GALNT13: variants seen among roughly 807,000 people sequenced by gnomAD.
GALNT13 encodes the protein polypeptide N-acetylgalactosaminyltransferase 13, also known as UDP-GalNAc:polypeptide N-acetylgalactosaminyltransferase 13.
GALNT13 carries 28 observed loss-of-function variants against 64.2 expected under a neutral mutation model. The ratio of observed to expected loss-of-function variants is 0.44; its 90% confidence interval spans 0.32 to 0.60. The LOEUF (loss-of-function observed/expected upper bound fraction) is 0.60, where lower values mean the gene tolerates loss of function less well. GALNT13 is among the 20% of genes least tolerant of loss of function. The probability of loss-of-function intolerance (pLI) is 0.05; values close to 1 mark genes in which losing one functional copy is unlikely to be tolerated. For missense variants in GALNT13, 577 were observed against 669.8 expected (o/e 0.86, Z 1.53); for synonymous variants, 214 against 224.6 (o/e 0.95, Z 0.42).
At chr2:153,289,096 G>T in the GALNT13 span, among the ~76,000 whole-genome samples, 3 of 152,088 alleles carry the variant, frequency 2.0e-5, no homozygotes, top group Non-Finnish European at 2.9e-5. Context: ...ATAAGTGTAT[G>T]TTCATTTTTG....
At chr2:153,677,852 C>T in the GALNT13 span, among the ~76,000 whole-genome samples, 6 of 151,978 alleles carry the variant, frequency 3.9e-5, no homozygotes, top group South Asian at 2.1e-4. Context: ...AAACTGGACC[C>T]GTTCCTTTTG....
At chr2:154,308,258 A>G (rs1254539204) in intron 9 of GALNT13, among the ~76,000 whole-genome samples, 1 of 152,148 alleles carries the variant, frequency 6.6e-6, no homozygotes, top group Non-Finnish European at 1.5e-5. Flanking sequence ...ACTTACTTTG[A>G]AGGTTAACTC....
chr2:153,657,591 A>T, the GALNT13 span, among the ~76,000 whole-genome samples: 1 of 152,234 alleles, frequency 6.6e-6, no homozygotes, highest in East Asian at 1.9e-4. Context: ...GCAATGCCTG[A>T]GGGTATAAAC....
chr2:153,318,013 T>C, the GALNT13 span, among the ~76,000 whole-genome samples: 1 of 152,060 alleles, frequency 6.6e-6, no homozygotes, highest in Non-Finnish European at 1.5e-5. Context: ...ATTATGGCTG[T>C]GCTATGTTAT....
chr2:153,784,521 C>T, the GALNT13 span, among the ~76,000 whole-genome samples: 9 of 152,234 alleles, frequency 5.9e-5, no homozygotes, highest in East Asian at 1.9e-4. Context: ...ATTGCTAGGC[C>T]GTCAAAACAA....
the GALNT13 span, among the ~76,000 whole-genome samples, chr2:153,199,608 G>A: frequency 6.6e-6 from 1 of 152,188 alleles, no homozygotes; most frequent in African/African-American, 2.4e-5. Context: ...GGAAGGCAAG[G>A]TTGTGATATA....
At chr2:154,179,032 A>G (rs1685812235) in intron 4 of GALNT13, among the ~76,000 whole-genome samples, 1 of 152,092 alleles carries the variant, frequency 6.6e-6, no homozygotes, top group Admixed American at 6.6e-5. Flanking sequence ...CTCTTTTACC[A>G]TGGCGTTCCC....
chr2:154,231,379 C>G (rs1347194217), intron 4 of GALNT13, among the ~76,000 whole-genome samples: 1 of 152,044 alleles, frequency 6.6e-6, no homozygotes, highest in East Asian at 1.9e-4. Flanking sequence ...GGGGCCTCTT[C>G]AAAGCACTCA....
the GALNT13 span, among the ~76,000 whole-genome samples, chr2:153,312,834 A>G: frequency 1.1e-4 from 17 of 152,162 alleles, no homozygotes; most frequent in Admixed American, 1.1e-3. Context: ...CTGATTTAAG[A>G]GGTCGATTTA....
the GALNT13 span, among the ~76,000 whole-genome samples, chr2:153,649,375 C>G: frequency 6.6e-6 from 1 of 151,688 alleles, no homozygotes; most frequent in Admixed American, 6.6e-5. Flanking sequence ...ATTAGTTTTG[C>G]TAGCGGTCTA....
chr2:154,319,888 T>C (rs1160816017), intron 9 of GALNT13, among the ~76,000 whole-genome samples: 3 of 152,092 alleles, frequency 2.0e-5, no homozygotes, highest in Admixed American at 2.0e-4. Flanking sequence ...ATTTAAACTT[T>C]CACTTCATAA....
chr2:154,362,043 C>T (rs1157797032), intron 9 of GALNT13, among the ~76,000 whole-genome samples: 2 of 152,060 alleles, frequency 1.3e-5, no homozygotes, highest in Non-Finnish European at 2.9e-5. Context: ...TCAGCTCTAA[C>T]TAAGCTATCA....
the GALNT13 span, chr2:153,337,644 A>ATTATC: frequency 1.3e-5 from 2 of 152,244 alleles, no homozygotes; most frequent in African/African-American, 4.8e-5. Flanking sequence ...GCATAGTGAG[A>ATTATC]TAATCAATTG....
chr2:153,672,184 G>C, the GALNT13 span, among the ~76,000 whole-genome samples: 1 of 152,122 alleles, frequency 6.6e-6, no homozygotes, highest in Admixed American at 6.6e-5. Context: ...CTTGAACTCA[G>C]CTCTGGACCA....
chr2:154,451,796 T>C lies in GALNT13; in HGVS notation c.*1245T>C, dbSNP rs934405272. On this transcript the variant is annotated 3_prime_UTR_variant, in exon 13 of 13. Coordinates refer to ENST00000392825, the MANE Select transcript of GALNT13 (RefSeq NM_052917.4). ...TGCTAGTAAGTTTTTATATTTGACA[T>C]CATTTTAAATGCTCAAAGAGTTGCC... 1.3e-5 allele frequency: 2 copies of C among 152,090 alleles called. No individual in the cohort carries two copies. The highest frequency in any genetic ancestry group is 4.8e-5 in the African/African-American group (2 of 41,430). The allele number at this position is 152,090 out of a possible 1,614,324, so 9.4% of individuals were successfully genotyped here. A position where few individuals can be genotyped will look rare whatever the true frequency, so the allele number is the denominator to read the frequency against.
At chr2:154,149,693 T>G (rs1226550982) in intron 4 of GALNT13, among the ~76,000 whole-genome samples, 1 of 152,190 alleles carries the variant, frequency 6.6e-6, no homozygotes, top group South Asian at 2.1e-4. Context: ...GAAGCAATTG[T>G]GAATGGGAGT....
At chr2:154,306,326 G>T (rs1301456534) in intron 9 of GALNT13, among the ~76,000 whole-genome samples, 1 of 151,834 alleles carries the variant, frequency 6.6e-6, no homozygotes, top group Non-Finnish European at 1.5e-5. Flanking sequence ...ACAGGCCCTG[G>T]TGTGTGATGT....
intron 12 of GALNT13, chr2:154,446,348 C>T: frequency 6.1e-6 from 2 of 327,366 alleles, no homozygotes; most frequent in Non-Finnish European, 1.1e-5. Flanking sequence ...ATCGTAAGCC[C>T]CTCTCCATAT....
intron 3 of GALNT13, among the ~76,000 whole-genome samples, chr2:154,110,699 G>T (rs1003026573): frequency 6.6e-6 from 1 of 151,902 alleles, no homozygotes; most frequent in African/African-American, 2.4e-5. Context: ...TGACTCAAAT[G>T]TTAATCTCCT....
Sources: gnomAD v4.1 joint callset for allele counts (sites outside exome capture counted in the v4.1 genomes callset) on GRCh38, gnomAD v4.1.1 for gene constraint, MANE v1.5 for transcripts, NCBI Gene and HGNC (gene_info 2026-07-23, HGNC 2026-07-21) for gene names.